The following PRPF6 variants were observed in gnomAD, a reference collection of about 807,000 sequenced individuals.
PRPF6 encodes the protein pre-mRNA-processing factor 6.
A neutral mutation model predicts 118.3 loss-of-function variants in PRPF6; 42 were observed. That is an observed-to-expected ratio of 0.35 (90% CI 0.28 to 0.46). PRPF6 has a LOEUF of 0.46. Among genes scored for constraint, PRPF6 ranks in the 20% least tolerant of loss-of-function variants. The pLI, the probability that PRPF6 is intolerant of heterozygous loss-of-function variation, is 1.00. For synonymous variants in PRPF6, 481 were observed against 485.1 expected, an observed-to-expected ratio of 0.99 and a Z score of 0.11; for missense variants, 662 against 1,255.7, an observed-to-expected ratio of 0.53 and a Z score of 7.15.
chr20:64,006,993 A>C (rs948710534), intron 9 of PRPF6, among the ~76,000 whole-genome samples: 1 of 152,266 alleles, frequency 6.6e-6, no homozygotes, highest in African/African-American at 2.4e-5. Context: ...AAACCACAGC[A>C]GACTTTTGTC....
At chr20:64,024,195 C>T (rs2059277681) in intron 13 of PRPF6, among the ~76,000 whole-genome samples, 1 of 152,128 alleles carries the variant, frequency 6.6e-6, no homozygotes, top group South Asian at 2.1e-4. Context: ...ATCAGTGGGT[C>T]CGGGGTGCGC....
intron 19 of PRPF6, among the ~76,000 whole-genome samples, chr20:64,030,222 G>A (rs569724565): frequency 3.3e-5 from 5 of 152,322 alleles, no homozygotes; most frequent in African/African-American, 9.6e-5. Flanking sequence ...TGGGTCAGGA[G>A]GCTGGGAAGT....
chr20:64,026,834 A>T lies in PRPF6; in HGVS notation c.2029-148A>T. The T allele has an allele frequency of 1.2e-6, 1 of 816,706 alleles. No homozygotes were observed. The highest frequency in any genetic ancestry group is 2.0e-6 in the Non-Finnish European group (1 of 497,012). 50.6% of individuals were successfully genotyped at this position (816,706 alleles called of 1,614,324 possible). On this transcript the variant is annotated intron_variant, in intron 15 of 20. Transcript: ENST00000266079. The surrounding 1 kb of genome is among the most constrained non-coding windows in gnomAD (Gnocchi z 4.4). ...CAAAACAAAACAAAAACATATATTT[A>T]TCCCCACCTTTTGTGTACACAAACA...
At position 63,981,161 on chromosome 20, in the gene PRPF6, G is replaced by A; in HGVS notation, c.-85G>A. On this transcript the variant is annotated 5_prime_UTR_variant, in exon 1 of 21. Transcript: ENST00000266079. ...GCGACACTTTGCTACGGAGTGCATC[G>A]GACGTCGAAGCCTAGAGTCTCTGCG... 2.1e-6 allele frequency: 3 copies of A among 1,403,246 alleles called. No individual in the cohort carries two copies. Among genetic ancestry groups the A allele is most frequent in the Non-Finnish European group, 3.0e-6 (3 of 1,012,434 alleles). 86.9% of individuals were successfully genotyped at this position (1,403,246 alleles called of 1,614,324 possible). A position where few individuals can be genotyped will look rare whatever the true frequency, so the allele number is the denominator to read the frequency against.
At chr20:64,022,646 C>T (rs539846834) in intron 12 of PRPF6, 111 bp from the exon 13 acceptor site, 3 of 1,507,268 alleles carry the variant, frequency 2.0e-6, no homozygotes, top group African/African-American at 2.8e-5. Context: ...CTGTGGTACA[C>T]CTTCTAGCAG....
intron 13 of PRPF6, 36 bp from the exon 14 acceptor site, chr20:64,024,519 C>G: frequency 6.2e-7 from 1 of 1,612,826 alleles, no homozygotes; most frequent in Non-Finnish European, 8.5e-7. Context: ...TGGTTTATGG[C>G]CCTGCCTCTG....
intron 9 of PRPF6, among the ~76,000 whole-genome samples, chr20:64,005,791 G>A (rs1189467885): frequency 6.6e-6 from 1 of 152,078 alleles, no homozygotes; most frequent in South Asian, 2.1e-4. Context: ...CTGGAGTGCA[G>A]TGGCATGATC....
intron 9 of PRPF6, 101 bp from the exon 10 acceptor site, chr20:64,010,099 A>G: frequency 2.0e-6 from 2 of 1,004,300 alleles, no homozygotes; most frequent in East Asian, 4.8e-5. Flanking sequence ...ACTGTCAACC[A>G]GGGAAGTCCG....
At chr20:64,013,003 C>T (rs998306126) in intron 11 of PRPF6, among the ~76,000 whole-genome samples, 3 of 147,722 alleles carry the variant, frequency 2.0e-5, no homozygotes, top group Non-Finnish European at 4.4e-5. Flanking sequence ...GTCACCCAGG[C>T]TAGAGGGCTA....
intron 12 of PRPF6, among the ~76,000 whole-genome samples, chr20:64,018,087 T>G (rs1011476293): frequency 2.6e-5 from 4 of 152,178 alleles, no homozygotes; most frequent in Non-Finnish European, 4.4e-5. Context: ...TCCCAGCTAC[T>G]CAGGAGGCTG....
chr20:64,021,538 A>G (rs1465983133), intron 12 of PRPF6, among the ~76,000 whole-genome samples: 6 of 143,104 alleles, frequency 4.2e-5, no homozygotes, highest in African/African-American at 1.6e-4. Context: ...CCTCAGCCAC[A>G]GCCCCGTGTC....
Position 64,026,976 on chromosome 20 carries a change from C to CTGT in PRPF6, c.2029-6_2029-5insTGT. ...CCCTGCGTGACAGTGCATGTCTGCCCCACAGGTGTTCATGAAGTCTGTGAA... is the reference window on the plus strand; with the variant it reads ...CCCTGCGTGACAGTGCATGTCTGCCCTGTCACAGGTGTTCATGAAGTCTGTGAA... On this transcript the variant is annotated splice_region_variant and splice_polypyrimidine_tract_variant and intron_variant, in intron 15 of 20. Coordinates refer to ENST00000266079, the MANE Select transcript of PRPF6 (RefSeq NM_012469.4). The surrounding 1 kb of genome is among the most constrained non-coding windows in gnomAD (Gnocchi z 4.4). 1 of 1,613,750 alleles carries CTGT rather than the reference C, an allele frequency of 6.2e-7. No homozygotes were observed.
At chr20:63,996,177 A>G (rs775963534) in intron 6 of PRPF6, among the ~76,000 whole-genome samples, 2 of 151,982 alleles carry the variant, frequency 1.3e-5, no homozygotes, top group Non-Finnish European at 2.9e-5. Context: ...CGTCTCTACT[A>G]AAAATACAGA....
chr20:63,986,911 G>A (rs1172643853), intron 3 of PRPF6, among the ~76,000 whole-genome samples: 1 of 149,144 alleles, frequency 6.7e-6, no homozygotes, highest in East Asian at 2.1e-4. Flanking sequence ...GCTCACGTCT[G>A]TAATCCCAGC....
chr20:64,023,634 C>T (rs1203668538), intron 13 of PRPF6, among the ~76,000 whole-genome samples: 1 of 152,192 alleles, frequency 6.6e-6, no homozygotes, highest in African/African-American at 2.4e-5. Context: ...CTCCTGAAGA[C>T]CTGGCCCCCT....
At chr20:64,003,697 G>A (rs1396720382) in intron 9 of PRPF6, among the ~76,000 whole-genome samples, 2 of 152,164 alleles carry the variant, frequency 1.3e-5, no homozygotes, top group African/African-American at 4.8e-5. Context: ...CCAGGTTCAC[G>A]CCATTCTCCT....
chr20:63,989,170 G>A (rs817360), intron 3 of PRPF6, among the ~76,000 whole-genome samples: 38,050 of 152,012 alleles, frequency 0.25, 5,896 homozygotes, highest in African/African-American at 0.43. Flanking sequence ...ACGGTGCTGG[G>A]AAAACTGGAT....
Position 64,029,517 on chromosome 20 carries a change from T to A in PRPF6, c.2546+26T>A. 1 of 1,590,830 alleles carries A rather than the reference T, an allele frequency of 6.3e-7. No homozygotes were observed. The highest frequency in any genetic ancestry group is 8.6e-7 in the Non-Finnish European group (1 of 1,159,156). ...GTGAGTGGGGCCCCCACAGGATTGC[T>A]GAACCTCGGGGTCCTAATGGGCTCT... On this transcript the variant is annotated intron_variant, in intron 19 of 20. Transcript: ENST00000266079. This position sits in a 1 kb window ranked among gnomAD's most constrained non-coding sequence, Gnocchi z 4.8.
At chr20:63,992,358 T>C (rs894868528) in intron 3 of PRPF6, among the ~76,000 whole-genome samples, 3 of 152,040 alleles carry the variant, frequency 2.0e-5, no homozygotes, top group Non-Finnish European at 4.4e-5. Context: ...ACCTCCCAGG[T>C]TCAAGCAATT....
Sources: allele counts gnomAD v4.1 joint callset (sites outside exome capture counted in the v4.1 genomes callset), GRCh38; gene constraint gnomAD v4.1.1; non-coding constraint Gnocchi (gnomAD v3.1); transcripts MANE v1.5; gene names NCBI Gene and HGNC (gene_info 2026-07-23, HGNC 2026-07-21).